ADAMTSL1: variants seen among roughly 807,000 people sequenced by gnomAD.
The protein encoded by ADAMTSL1 is ADAMTS-like protein 1.
ADAMTSL1 carries 126 observed loss-of-function variants against 201.8 expected under a neutral mutation model. The observed-to-expected ratio is 0.62, with a 90% CI of 0.54 to 0.72. The LOEUF is 0.72. ADAMTSL1 is among the 30% of genes least tolerant of loss of function. The probability of loss-of-function intolerance (pLI) is 0.00; values close to 1 mark genes in which losing one functional copy is unlikely to be tolerated. For synonymous variants in ADAMTSL1, 1,121 were observed against 903.4 expected (o/e 1.24, Z -4.32); for missense variants, 2,679 against 2,277.8 (o/e 1.18, Z -3.59).
intron 1 of ADAMTSL1, among the ~76,000 whole-genome samples, chr9:17,946,410 T>G (rs1263654501): frequency 6.6e-6 from 1 of 152,154 alleles, no homozygotes; most frequent in African/African-American, 2.4e-5. Flanking sequence ...TTTTCATAAT[T>G]AAATGTATAA....
chr9:18,498,263 C>G (rs1192201606), intron 1 of ADAMTSL1, among the ~76,000 whole-genome samples: 1 of 151,444 alleles, frequency 6.6e-6, no homozygotes, highest in Non-Finnish European at 1.5e-5. Context: ...ATGCCAGAAA[C>G]TATGCTAGGT....
intron 2 of ADAMTSL1, among the ~76,000 whole-genome samples, chr9:18,268,464 C>T (rs867294930): frequency 6.6e-6 from 1 of 152,116 alleles, no homozygotes; most frequent in Middle Eastern, 3.2e-3. Flanking sequence ...GGTAAGATAT[C>T]AGTCATTTAA....
intron 1 of ADAMTSL1, among the ~76,000 whole-genome samples, chr9:18,056,782 C>G (rs1178334420): frequency 6.6e-6 from 1 of 152,152 alleles, no homozygotes; most frequent in Non-Finnish European, 1.5e-5. Flanking sequence ...ATTCTCTAGA[C>G]CTCAAAGAGG....
In ADAMTSL1 at chr9:18,259,509, C is replaced by CAA. The variant is rs113141517; in HGVS notation, c.207+95543_207+95544dup. Among the ~76,000 whole-genome samples the CAA allele has an allele frequency of 7.4e-3, 919 of 124,416 alleles. 4 individuals carry two copies. The highest frequency in any genetic ancestry group is 0.014 in the Middle Eastern group (3 of 220). The allele number at this position is 124,416 out of a possible 152,430, so 81.6% of individuals were successfully genotyped here. On this transcript the variant is annotated intron_variant, in intron 2 of 29. Transcript: ENST00000680146. ...CCTGTATGACAGAATAACTCTGTCT[C>CAA]AAAAAAAAAAAAAAAATACATATAT...
At chr9:18,707,897 A>G (rs1832321888) in intron 14 of ADAMTSL1, among the ~76,000 whole-genome samples, 1 of 152,216 alleles carries the variant, frequency 6.6e-6, no homozygotes, top group Admixed American at 6.5e-5. Flanking sequence ...CATTGAAATC[A>G]ACAACTGATT....
chr9:18,644,178 A>G (rs763438962), intron 7 of ADAMTSL1, among the ~76,000 whole-genome samples: 8 of 151,510 alleles, frequency 5.3e-5, no homozygotes, highest in Non-Finnish European at 5.9e-5. Context: ...GAATGGTTTG[A>G]TATTAGTGTA....
intron 5 of ADAMTSL1, among the ~76,000 whole-genome samples, chr9:18,626,874 TCTTCCTTCCTTCCTTC>T (rs144729108): frequency 8.9e-6 from 1 of 112,918 alleles, no homozygotes; most frequent in African/African-American, 4.1e-5. Context: ...TTTCTGTCTT[TCTTCCTTCCTTCCTTC>T]CTTCCTTCCT....
At chr9:17,966,226 C>T (rs182507359) in intron 1 of ADAMTSL1, among the ~76,000 whole-genome samples, 3 of 152,212 alleles carry the variant, frequency 2.0e-5, no homozygotes, top group Admixed American at 2.0e-4. Context: ...CCATAGGAAA[C>T]ACAGAGAAGA....
In ADAMTSL1 at chr9:18,257,234, A is replaced by G. The variant is rs72684972; in HGVS notation, c.207+93253A>G. On this transcript the variant is annotated intron_variant, in intron 2 of 29. Transcript: ENST00000680146. ...TCATAAAAATGTTTTTTAAAAACAAAAAGTTATTTTGTAATTTTCTAATTT... is the reference window on the plus strand; with the variant it reads ...TCATAAAAATGTTTTTTAAAAACAAGAAGTTATTTTGTAATTTTCTAATTT... Among the ~76,000 whole-genome samples the G allele has an allele frequency of 9.1e-3, 1,385 of 152,344 alleles. 41 individuals carry two copies. The East Asian group carries it at 0.11, about 13-fold the overall frequency.
At chr9:18,492,110 TA>T (rs1395775534) in intron 1 of ADAMTSL1, among the ~76,000 whole-genome samples, 10 of 152,272 alleles carry the variant, frequency 6.6e-5, no homozygotes, top group African/African-American at 2.2e-4. Context: ...GAAAGCATTT[TA>T]AAAAACTAAG....
At position 18,788,718 on chromosome 9, in the gene ADAMTSL1, G is replaced by T. The variant is rs114819876; in HGVS notation, c.3678-6679G>T. Among the ~76,000 whole-genome samples, 1,095 of 152,232 alleles carry T rather than the reference G, an allele frequency of 7.2e-3. 12 individuals are homozygous for T. The highest frequency in any genetic ancestry group is 0.025 in the African/African-American group (1,051 of 41,514). On this transcript the variant is annotated intron_variant, in intron 19 of 28. Coordinates refer to ENST00000380548, the MANE Select transcript of ADAMTSL1 (RefSeq NM_001040272.6). ...CAGAAAAATACCCATTTTAGGATAA[G>T]GAAAAGACTTCACCATCTGGTCCTA...
chr9:18,746,823 C>A (rs1377512356), intron 15 of ADAMTSL1, among the ~76,000 whole-genome samples: 3 of 149,622 alleles, frequency 2.0e-5, no homozygotes, highest in Admixed American at 6.7e-5. Flanking sequence ...AATACAAACA[C>A]AAGCTGCCAA....
intron 1 of ADAMTSL1, among the ~76,000 whole-genome samples, chr9:17,914,419 A>G (rs1011195116): frequency 2.6e-5 from 4 of 152,180 alleles, no homozygotes; most frequent in Non-Finnish European, 5.9e-5. Flanking sequence ...AATGACAAAA[A>G]CCACATGATT....
chr9:18,583,177 G>A (rs1338673709), intron 4 of ADAMTSL1, among the ~76,000 whole-genome samples: 3 of 152,178 alleles, frequency 2.0e-5, no homozygotes, highest in South Asian at 2.1e-4. Context: ...TGGGTAACAG[G>A]CAGGAGGAAA....
intron 2 of ADAMTSL1, among the ~76,000 whole-genome samples, chr9:18,333,007 G>A (rs183321786): frequency 1.3e-5 from 2 of 152,208 alleles, no homozygotes; most frequent in East Asian, 1.9e-4. Flanking sequence ...CACCTAGCAG[G>A]CATTATTTTC....
At chr9:18,122,614 C>T (rs1318815911) in intron 1 of ADAMTSL1, among the ~76,000 whole-genome samples, 1 of 152,018 alleles carries the variant, frequency 6.6e-6, no homozygotes, top group African/African-American at 2.4e-5. Flanking sequence ...GAAAATAAGC[C>T]TACAAAATTC....
At chr9:18,174,493 C>T (rs1026643643) in intron 2 of ADAMTSL1, among the ~76,000 whole-genome samples, 1 of 152,124 alleles carries the variant, frequency 6.6e-6, no homozygotes, top group Non-Finnish European at 1.5e-5. Flanking sequence ...ATATGTGATA[C>T]CTAAATTTAA....
At chr9:18,436,326 G>A (rs756785347) in intron 2 of ADAMTSL1, among the ~76,000 whole-genome samples, 1 of 152,076 alleles carries the variant, frequency 6.6e-6, no homozygotes, top group Non-Finnish European at 1.5e-5. Context: ...TCAGAGAAAG[G>A]CATGGCTCTG....
At chr9:18,283,868 AGATTGT>A (rs1236957451) in intron 2 of ADAMTSL1, among the ~76,000 whole-genome samples, 10 of 137,264 alleles carry the variant, frequency 7.3e-5, no homozygotes, top group Admixed American at 3.2e-4. Context: ...GCTGAGATTG[AGATTGT>A]GCCACTGCAC....
Sources: allele counts gnomAD v4.1 joint callset (sites outside exome capture counted in the v4.1 genomes callset), GRCh38; gene constraint gnomAD v4.1.1; transcripts MANE v1.5; gene names NCBI Gene and HGNC (gene_info 2026-07-23, HGNC 2026-07-21).